USH1C: variants seen among roughly 807,000 people sequenced by gnomAD.
USH1C encodes harmonin.
USH1C carries 90 observed loss-of-function variants against 119.3 expected under a neutral mutation model. The ratio of observed to expected loss-of-function variants is 0.75; its 90% CI spans 0.64 to 0.90. USH1C has a LOEUF of 0.90. USH1C is among the 40% of genes least tolerant of loss of function. USH1C has a pLI of 0.00. For missense variants in USH1C, 1,165 were observed against 1,167.7 expected (o/e 1.00, Z 0.03); for synonymous variants, 465 against 443.3 (o/e 1.05, Z -0.62).
intron 4 of USH1C, among the ~76,000 whole-genome samples, chr11:17,530,915 G>A (rs2133916604): frequency 6.6e-6 from 1 of 152,354 alleles, no homozygotes; most frequent in South Asian, 2.1e-4. Context: ...CTGGAAGGAG[G>A]CAGCAGTTGG....
chr11:17,497,048 C>T, intron 24 of USH1C: 1 of 521,108 alleles, frequency 1.9e-6, no homozygotes. Flanking sequence ...ACTCAGCTCC[C>T]AAATGTCAAT....
chr11:17,519,313 G>A (rs114256428), intron 14 of USH1C, among the ~76,000 whole-genome samples: 7 of 152,230 alleles, frequency 4.6e-5, no homozygotes, highest in African/African-American at 1.7e-4. Context: ...CCAGCTCAGC[G>A]GGCAGGCGGG....
At chr11:17,521,209 T>C in intron 13 of USH1C, 137 bp downstream of exon 13, 1 of 1,084,522 alleles carries the variant, frequency 9.2e-7, no homozygotes, top group East Asian at 2.4e-5. Flanking sequence ...ATGACAGGCT[T>C]TACTACAAAT....
chr11:17,511,136 G>A (rs1849868893), intron 16 of USH1C, among the ~76,000 whole-genome samples: 2 of 152,164 alleles, frequency 1.3e-5, no homozygotes, highest in African/African-American at 4.8e-5. Context: ...TATTCATGGT[G>A]TAAGGTTGCT....
At position 17,494,167 on chromosome 11, in the gene USH1C, C is replaced by T. The variant is rs1849160614; in HGVS notation, c.*165G>A. 1.2e-6 allele frequency: 1 copy of T among 841,210 alleles called. No homozygotes were observed. Among genetic ancestry groups the T allele is most frequent in the Admixed American group, 2.1e-5 (1 of 47,248 alleles). The allele number at this position is 841,210 out of a possible 1,614,324, so 52.1% of individuals were successfully genotyped here. ...CCACGTTGGCCTTCAGAAGAGTGGCCCGAGCTGTTCCTTATCTGGCCCTGG... is the reference window on the plus strand; with the variant it reads ...CCACGTTGGCCTTCAGAAGAGTGGCTCGAGCTGTTCCTTATCTGGCCCTGG... On this transcript the variant is annotated 3_prime_UTR_variant, in exon 27 of 27. Transcript: ENST00000005226.
At chr11:17,513,858 A>G (rs1463291581) in intron 15 of USH1C, among the ~76,000 whole-genome samples, 1 of 152,146 alleles carries the variant, frequency 6.6e-6, no homozygotes, top group Non-Finnish European at 1.5e-5. Context: ...TACCAGTGCT[A>G]AGATTATAGA....
chr11:17,496,896 C>A (rs773065533), intron 24 of USH1C, 83 bp from the exon 25 acceptor site: 1 of 1,545,066 alleles, frequency 6.5e-7, no homozygotes, highest in African/African-American at 1.4e-5. Flanking sequence ...ATTTCTGGGC[C>A]CCATGGCCTA....
intron 14 of USH1C, among the ~76,000 whole-genome samples, chr11:17,516,977 T>C (rs1389312933): frequency 1.3e-5 from 2 of 152,070 alleles, no homozygotes; most frequent in Admixed American, 6.6e-5. Flanking sequence ...TGAAGCTCCC[T>C]GGGGCCAAGA....
At chr11:17,500,976 C>T in intron 23 of USH1C, 75 bp downstream of exon 23, 1 of 1,284,976 alleles carries the variant, frequency 7.8e-7, no homozygotes, top group Non-Finnish European at 1.1e-6. Context: ...AAGTGGTCAC[C>T]TGTTTGCTTT....
chr11:17,503,694 G>A (rs955232760), intron 20 of USH1C, among the ~76,000 whole-genome samples: 4 of 152,252 alleles, frequency 2.6e-5, no homozygotes, highest in African/African-American at 7.2e-5. Context: ...AGCACAGGCT[G>A]CAGAGACCGA....
intron 15 of USH1C, among the ~76,000 whole-genome samples, chr11:17,513,816 T>G (rs923060866): frequency 1.5e-5 from 2 of 132,828 alleles, no homozygotes; most frequent in Non-Finnish European, 3.2e-5. Context: ...TTCTGTTGCT[T>G]AAAAAAAGAA....
intron 18 of USH1C, among the ~76,000 whole-genome samples, chr11:17,506,182 G>T (rs1016541248): frequency 6.6e-6 from 1 of 152,180 alleles, no homozygotes; most frequent in Non-Finnish European, 1.5e-5. Context: ...GAAATTGGAC[G>T]CTTGAGCTAG....
In USH1C at chr11:17,504,716, A is replaced by G; in HGVS notation, c.2134-19T>C. The G allele has an allele frequency of 6.2e-7, 1 of 1,613,810 alleles. No homozygotes were observed. The highest frequency in any genetic ancestry group is 1.1e-5 in the South Asian group (1 of 91,082). ...CCTGTGGCTGCCAGAGGAAAAAAAA[A>G]AAAGTTCCACATTGGATGTTACCAA... On this transcript the variant is annotated intron_variant, in intron 19 of 26. Transcript: ENST00000005226.
intron 20 of USH1C, among the ~76,000 whole-genome samples, chr11:17,504,070 A>G (rs1296945792): frequency 1.3e-5 from 2 of 152,130 alleles, no homozygotes; most frequent in African/African-American, 2.4e-5. Flanking sequence ...GGCTCCATGG[A>G]GGTACCCCAG....
Position 17,509,812 on chromosome 11 carries a change from C to A in USH1C, c.1557G>T (p.Pro519=). The A allele has an allele frequency of 3.7e-6, 5 of 1,336,044 alleles. No homozygotes were observed. Among genetic ancestry groups the A allele is most frequent in the Non-Finnish European group, 3.9e-6 (4 of 1,013,592 alleles). The allele number at this position is 1,336,044 out of a possible 1,614,324, so 82.8% of individuals were successfully genotyped here. The change falls in exon 18 of 27, where the codon CCG becomes CCT. Residue 519 remains proline (P), a synonymous_variant. Coordinates refer to ENST00000005226, the MANE Select transcript of USH1C (RefSeq NM_153676.4). ...GTGGGGCCAGGGGAGACACAGAAGGCGGGGGAGGCGGGGGCCCTGTGGTCA... is the reference window on the plus strand; with the variant it reads ...GTGGGGCCAGGGGAGACACAGAAGGAGGGGGAGGCGGGGGCCCTGTGGTCA... ...SEMTTGPPPP[P]PSVSPLAPPL...
Position 17,527,324 on chromosome 11 carries a change from T to C in USH1C, c.395A>G (p.Asp132Gly). 1 of 1,609,960 alleles carries C rather than the reference T, an allele frequency of 6.2e-7. No homozygotes were observed. Among genetic ancestry groups the C allele is most frequent in the Non-Finnish European group, 8.5e-7 (1 of 1,179,596 alleles). ...QADSVGLQVG[D>G]EIVRINGYSI... Reference sequence around the variant, plus strand: ...ATATCCATTGATCCGGACGATCTCGTCCCCTACCTTGACCACAGAGAGAGG... The same window carrying C: ...ATATCCATTGATCCGGACGATCTCGCCCCCTACCTTGACCACAGAGAGAGG... Residue 132 changes from aspartate (D) to glycine (G), a missense_variant, in exon 5 of 27, where the codon GAC becomes GGC. Coordinates refer to ENST00000005226, the MANE Select transcript of USH1C (RefSeq NM_153676.4).
intron 17 of USH1C, 146 bp downstream of exon 17, chr11:17,510,259 T>C: frequency 1.4e-6 from 1 of 690,408 alleles, no homozygotes. Context: ...AAGAGGGGAG[T>C]GGGGTGGTAG....
chr11:17,499,966 G>T (rs1849376006), intron 23 of USH1C, among the ~76,000 whole-genome samples: 1 of 152,072 alleles, frequency 6.6e-6, no homozygotes, highest in African/African-American at 2.4e-5. Flanking sequence ...AGAGGCCTGG[G>T]GCTCCTCCTC....
chr11:17,518,353 G>A (rs143037075), intron 14 of USH1C, among the ~76,000 whole-genome samples: 2 of 152,298 alleles, frequency 1.3e-5, no homozygotes, highest in East Asian at 1.9e-4. Context: ...TGGAGGTGGG[G>A]GAGATAGTTG....
Sources: allele counts gnomAD v4.1 joint callset (sites outside exome capture counted in the v4.1 genomes callset), GRCh38; gene constraint gnomAD v4.1.1; transcripts MANE v1.5; gene names NCBI Gene and HGNC (gene_info 2026-07-23, HGNC 2026-07-21).